The following AK5 variants were observed in gnomAD, a reference collection of about 807,000 sequenced individuals.
The protein encoded by AK5 is adenylate kinase isoenzyme 5.
In AK5, 27 loss-of-function variants were observed where a neutral mutation model predicts 69.5. The observed-to-expected ratio is 0.39, with a 90% CI of 0.29 to 0.54. The LOEUF is 0.54. Ranked by LOEUF, AK5 falls within the 20% of genes least tolerant of loss-of-function variation. The probability of loss-of-function intolerance (pLI) is 0.71; values close to 1 mark genes in which losing one functional copy is unlikely to be tolerated. For missense variants in AK5, 531 were observed against 700.4 expected (o/e 0.76, Z 2.73); for synonymous variants, 260 against 244.4 (o/e 1.06, Z -0.60).
At chr1:77,525,184 C>CAG (rs1168252882) in intron 12 of AK5, among the ~76,000 whole-genome samples, 1 of 152,220 alleles carries the variant, frequency 6.6e-6, no homozygotes, top group African/African-American at 2.4e-5. Context: ...GCTGGGATTA[C>CAG]AGGCGTGAGC....
chr1:77,346,007 A>G (rs997767088), intron 6 of AK5: 2 of 152,236 alleles, frequency 1.3e-5, no homozygotes, highest in African/African-American at 2.4e-5. Context: ...GATTCTTACC[A>G]TAAAGTAAGA....
chr1:77,465,574 G>A (rs927260992), intron 8 of AK5, among the ~76,000 whole-genome samples: 13 of 152,062 alleles, frequency 8.5e-5, no homozygotes, highest in Admixed American at 7.9e-4. Context: ...TTCATGGTTG[G>A]GAACACACAC....
chr1:77,330,541 C>T (rs1661036237), intron 5 of AK5, among the ~76,000 whole-genome samples: 1 of 152,202 alleles, frequency 6.6e-6, no homozygotes, highest in Non-Finnish European at 1.5e-5. Flanking sequence ...TGCCATAAAT[C>T]AGACTCCCAT....
At chr1:77,388,788 C>T (rs1648212263) in intron 6 of AK5, among the ~76,000 whole-genome samples, 1 of 151,610 alleles carries the variant, frequency 6.6e-6, no homozygotes, top group Non-Finnish European at 1.5e-5. Context: ...TGAACTTTCT[C>T]CACTTGGCCA....
chr1:77,444,666 A>G (rs1423678060), intron 8 of AK5, among the ~76,000 whole-genome samples: 1 of 123,986 alleles, frequency 8.1e-6, no homozygotes, highest in Non-Finnish European at 1.6e-5. Flanking sequence ...TAGTATAAAT[A>G]TATACTATAT....
At chr1:77,368,312 T>C (rs1557535860) in intron 6 of AK5, among the ~76,000 whole-genome samples, 1 of 129,742 alleles carries the variant, frequency 7.7e-6, no homozygotes, top group Non-Finnish European at 1.6e-5. Flanking sequence ...AATATATATG[T>C]TATATATAAT....
intron 10 of AK5, among the ~76,000 whole-genome samples, chr1:77,500,101 G>A (rs1426472604): frequency 5.9e-5 from 9 of 151,830 alleles, no homozygotes; most frequent in Admixed American, 4.6e-4. Flanking sequence ...AACCATCTCA[G>A]AGCCATAATG....
intron 8 of AK5, among the ~76,000 whole-genome samples, chr1:77,432,723 A>G (rs1651720045): frequency 6.6e-6 from 1 of 152,190 alleles, no homozygotes; most frequent in Non-Finnish European, 1.5e-5. Flanking sequence ...CCCAAGTATA[A>G]CATGTAGTAT....
At position 77,545,085 on chromosome 1, in the gene AK5, A is replaced by G. The variant is rs190651703; in HGVS notation, c.1620+9047A>G. On this transcript the variant is annotated intron_variant, in intron 13 of 13. Transcript: ENST00000354567. ...TTGTATAAGCAGTCTGTCATTGACC[A>G]AAACATTGTTATCAGTGCATGACTA... 2.0e-3 allele frequency among the ~76,000 whole-genome samples: 307 copies of G among 152,342 alleles called. 1 individual carries two copies. Among genetic ancestry groups the G allele is most frequent in the Middle Eastern group, 0.014 (4 of 294 alleles).
intron 5 of AK5, among the ~76,000 whole-genome samples, chr1:77,339,514 A>G (rs1042071248): frequency 2.6e-5 from 4 of 152,196 alleles, no homozygotes; most frequent in Non-Finnish European, 4.4e-5. Context: ...GACAGACTTG[A>G]GTTCAAACAT....
intron 1 of AK5, 82 bp from the exon 2 acceptor site, chr1:77,286,859 T>TAATTA (rs138257308): frequency 1.7e-5 from 15 of 889,740 alleles, no homozygotes; most frequent in South Asian, 1.1e-4. Flanking sequence ...AAAAATTAAT[T>TAATTA]AATTAAATTA....
intron 6 of AK5, among the ~76,000 whole-genome samples, chr1:77,388,377 A>G (rs1648165265): frequency 6.6e-6 from 1 of 152,254 alleles, no homozygotes; most frequent in African/African-American, 2.4e-5. Flanking sequence ...CTGTCCCTGT[A>G]TGCATTCAAT....
At chr1:77,311,950 T>C (rs752279968) in intron 5 of AK5, among the ~76,000 whole-genome samples, 6 of 152,126 alleles carry the variant, frequency 3.9e-5, no homozygotes, top group Non-Finnish European at 5.9e-5. Flanking sequence ...GCAAGAAGCA[T>C]TTAGAAGCCC....
intron 1 of AK5, among the ~76,000 whole-genome samples, chr1:77,286,176 C>G (rs1228830316): frequency 1.3e-5 from 2 of 151,906 alleles, no homozygotes; most frequent in East Asian, 3.9e-4. Context: ...ATGCACTGTA[C>G]AAATATGAAA....
Position 77,312,716 on chromosome 1 carries a change from T to C in AK5, c.699+14769T>C, listed in dbSNP as rs142464377. ...ACCACAGAGCTGAGGTGTTCTTAAA[T>C]ATGCATCTTGGTTTTATATATTTAG... On this transcript the variant is annotated intron_variant, in intron 5 of 13. Coordinates refer to ENST00000354567, the MANE Select transcript of AK5 (RefSeq NM_174858.3). Among the ~76,000 whole-genome samples, 145 of 152,042 alleles carry C rather than the reference T, an allele frequency of 9.5e-4. No individual in the cohort carries two copies. The East Asian group carries it at 0.026, about 27-fold the overall frequency.
intron 6 of AK5, among the ~76,000 whole-genome samples, chr1:77,393,689 C>T (rs1648636980): frequency 6.6e-6 from 1 of 152,164 alleles, no homozygotes; most frequent in East Asian, 1.9e-4. Flanking sequence ...GATTTTCTAC[C>T]TTTCAGCATT....
intron 8 of AK5, among the ~76,000 whole-genome samples, chr1:77,449,429 G>A (rs1421156081): frequency 6.6e-6 from 1 of 152,188 alleles, no homozygotes; most frequent in Non-Finnish European, 1.5e-5. Context: ...ATTTGGAATG[G>A]CTGTATTCAC....
chr1:77,433,077 T>C (rs1412531686), intron 8 of AK5, among the ~76,000 whole-genome samples: 1 of 152,156 alleles, frequency 6.6e-6, no homozygotes, highest in Non-Finnish European at 1.5e-5. Context: ...TTATATCAAG[T>C]TGTCTAGCTT....
intron 11 of AK5, 59 bp from the exon 12 acceptor site, chr1:77,521,768 G>T: frequency 1.6e-6 from 2 of 1,280,246 alleles, no homozygotes; most frequent in South Asian, 1.2e-5. Context: ...AGGAGACTTG[G>T]GGTACTTCTA....
Sources: gnomAD v4.1 joint callset for allele counts (sites outside exome capture counted in the v4.1 genomes callset) on GRCh38, gnomAD v4.1.1 for gene constraint, MANE v1.5 for transcripts, NCBI Gene and HGNC (gene_info 2026-07-23, HGNC 2026-07-21) for gene names.